PDHX: variants seen among roughly 807,000 people sequenced by gnomAD.
PDHX encodes pyruvate dehydrogenase protein X component, mitochondrial.
A neutral mutation model predicts 55.3 loss-of-function variants in PDHX; 33 were observed. The ratio of observed to expected loss-of-function variants is 0.60; its 90% CI spans 0.45 to 0.80. The LOEUF (loss-of-function observed/expected upper bound fraction) is 0.80, where lower values mean the gene tolerates loss of function less well. Ranked by LOEUF, PDHX falls within the 30% of genes least tolerant of loss-of-function variation. PDHX has a pLI of 0.00. For missense variants in PDHX, 622 were observed against 619.9 expected (o/e 1.00, Z -0.04); for synonymous variants, 226 against 219.4 (o/e 1.03, Z -0.27).
chr11:34,934,991 C>T (rs1854275052), intron 2 of PDHX, among the ~76,000 whole-genome samples: 2 of 151,606 alleles, frequency 1.3e-5, no homozygotes, highest in South Asian at 4.2e-4. Flanking sequence ...AATAAAATGA[C>T]AGTATCTCTG....
intron 5 of PDHX, among the ~76,000 whole-genome samples, chr11:34,965,723 G>C (rs1424168472): frequency 6.6e-6 from 1 of 151,770 alleles, no homozygotes; most frequent in African/African-American, 2.4e-5. Flanking sequence ...TGCTCAACAG[G>C]TGCTAGCTTT....
At chr11:34,948,197 C>T (rs1198258661) in intron 3 of PDHX, among the ~76,000 whole-genome samples, 1 of 152,176 alleles carries the variant, frequency 6.6e-6, no homozygotes, top group African/African-American at 2.4e-5. Context: ...ATCTCAAGAC[C>T]TGTTACCCAA....
chr11:34,954,814 A>G (rs1015080441), intron 3 of PDHX, among the ~76,000 whole-genome samples: 3 of 152,214 alleles, frequency 2.0e-5, no homozygotes, highest in African/African-American at 7.2e-5. Context: ...TTTATTCCTC[A>G]TAACAACAAT....
intron 1 of PDHX, among the ~76,000 whole-genome samples, chr11:34,926,760 A>G (rs1434092180): frequency 6.6e-6 from 1 of 152,084 alleles, no homozygotes; most frequent in Non-Finnish European, 1.5e-5. Context: ...AAGTATGAGC[A>G]TTTTGTTCTT....
chr11:34,993,846 C>A (rs955854058), intron 10 of PDHX, among the ~76,000 whole-genome samples: 2 of 152,092 alleles, frequency 1.3e-5, no homozygotes, highest in African/African-American at 4.8e-5. Context: ...GACATCCTTA[C>A]AGTATTGAGT....
At chr11:34,923,444 A>C (rs568664324) in intron 1 of PDHX, among the ~76,000 whole-genome samples, 43 of 152,320 alleles carry the variant, frequency 2.8e-4, no homozygotes, top group African/African-American at 1.0e-3. Context: ...GTGCATACAT[A>C]CACAATTTTA....
At chr11:34,939,793 CTATT>C (rs1242635727) in intron 2 of PDHX, among the ~76,000 whole-genome samples, 1 of 151,948 alleles carries the variant, frequency 6.6e-6, no homozygotes, top group Non-Finnish European at 1.5e-5. Flanking sequence ...TTTATAATGA[CTATT>C]AGAGTACTTC....
chr11:34,948,797 C>A (rs1350444442), intron 3 of PDHX, among the ~76,000 whole-genome samples: 1 of 152,130 alleles, frequency 6.6e-6, no homozygotes, highest in Non-Finnish European at 1.5e-5. Flanking sequence ...GTTTTCTTGA[C>A]TAATTTATGC....
chr11:34,942,318 G>C (rs1249814554), intron 2 of PDHX, among the ~76,000 whole-genome samples: 4 of 152,140 alleles, frequency 2.6e-5, no homozygotes, highest in Non-Finnish European at 5.9e-5. Flanking sequence ...GATTCAAAAT[G>C]GTTGTATAGC....
intron 2 of PDHX, 53 bp downstream of exon 2, chr11:34,931,537 TTTTG>T (rs1854169933): frequency 9.2e-6 from 8 of 870,404 alleles, no homozygotes; most frequent in East Asian, 2.7e-5. Flanking sequence ...GGTTATTTTG[TTTTG>T]TTTTTTTTTT....
intron 1 of PDHX, among the ~76,000 whole-genome samples, chr11:34,929,002 G>C (rs1009612912): frequency 4.6e-5 from 7 of 152,092 alleles, no homozygotes; most frequent in African/African-American, 1.7e-4. Context: ...ATTTCAACTA[G>C]AGGTAGCTTG....
At chr11:34,937,213 C>T (rs1854350930) in intron 2 of PDHX, among the ~76,000 whole-genome samples, 1 of 152,174 alleles carries the variant, frequency 6.6e-6, no homozygotes, top group Non-Finnish European at 1.5e-5. Context: ...TTCCTGCTCT[C>T]ATTTGAAAAG....
intron 9 of PDHX, among the ~76,000 whole-genome samples, chr11:34,985,341 T>C (rs1247586278): frequency 6.6e-6 from 1 of 152,036 alleles, no homozygotes; most frequent in Non-Finnish European, 1.5e-5. Flanking sequence ...CTCGGGAGGC[T>C]GAGGAACAAG....
intron 3 of PDHX, among the ~76,000 whole-genome samples, chr11:34,955,278 T>C (rs1036704201): frequency 6.6e-6 from 1 of 152,090 alleles, no homozygotes; most frequent in African/African-American, 2.4e-5. Flanking sequence ...CAAAGAGTAT[T>C]ATTTACGTAT....
In PDHX at chr11:34,970,083, G is replaced by T. The variant is rs1425671359; in HGVS notation, c.817-56G>T. The T allele has an allele frequency of 1.3e-6, 2 of 1,519,892 alleles. No individual in the cohort carries two copies. Among genetic ancestry groups the T allele is most frequent in the Non-Finnish European group, 1.8e-6 (2 of 1,096,746 alleles). 94.2% of individuals were successfully genotyped at this position (1,519,892 alleles called of 1,614,324 possible). A position where few individuals can be genotyped will look rare whatever the true frequency, so the allele number is the denominator to read the frequency against. Reference sequence around the variant, plus strand: ...TCATTTATAAAGTTGCTTGTTTTTTGTTTTATTTTTCTATTCCACTTGTGG... The same window carrying T: ...TCATTTATAAAGTTGCTTGTTTTTTTTTTTATTTTTCTATTCCACTTGTGG... On this transcript the variant is annotated intron_variant, in intron 6 of 10. Transcript: ENST00000227868.
intron 2 of PDHX, among the ~76,000 whole-genome samples, chr11:34,943,871 A>G (rs866138586): frequency 1.3e-5 from 2 of 152,002 alleles, no homozygotes; most frequent in Non-Finnish European, 1.5e-5. Flanking sequence ...CAAAAACTGA[A>G]TTAGATGCCC....
chr11:34,974,550 TATGATAATTCTATTTTTAA>T (rs894743682), intron 7 of PDHX, among the ~76,000 whole-genome samples: 19 of 152,194 alleles, frequency 1.2e-4, no homozygotes, highest in African/African-American at 4.6e-4. Context: ...TACTGGATTA[TATGATAATTCTATTTTTAA>T]TTTTTTAAGG....
In PDHX at chr11:34,984,654, G is replaced by C. The variant is rs1464660457; in HGVS notation, c.1108G>C (p.Asp370His). ...FIDISVAVAT[D>H]KGLLTPIIKD... ...TGACATTTCAGTGGCTGTGGCAACA[G>C]ATAAAGGCTTACTTACTCCAATCAT... The change falls in exon 9 of 11, where the codon GAT becomes CAT. Residue 370 changes from aspartate (D) to histidine (H), a missense_variant. Physicochemically the swap from Asp to His is moderately conservative, Grantham distance 81. Transcript: ENST00000227868. 1.2e-6 allele frequency: 2 copies of C among 1,613,924 alleles called. No individual in the cohort carries two copies. The highest frequency in any genetic ancestry group is 1.7e-6 in the Non-Finnish European group (2 of 1,179,952).
chr11:34,963,675 C>T (rs760687636), intron 5 of PDHX, among the ~76,000 whole-genome samples: 8 of 152,182 alleles, frequency 5.3e-5, no homozygotes, highest in Non-Finnish European at 5.9e-5. Context: ...GGAAATGCCT[C>T]CAGCCCACTG....
Sources: allele counts gnomAD v4.1 joint callset (sites outside exome capture counted in the v4.1 genomes callset), GRCh38; gene constraint gnomAD v4.1.1; transcripts MANE v1.5; gene names NCBI Gene and HGNC (gene_info 2026-07-23, HGNC 2026-07-21).